The following SLCO4C1 variants were observed in gnomAD, a reference collection of about 807,000 sequenced individuals.
SLCO4C1 encodes the protein solute carrier organic anion transporter family member 4C1, also known as organic anion transporter M1.
A neutral mutation model predicts 72.1 loss-of-function variants in SLCO4C1; 58 were observed. The observed-to-expected ratio is 0.80, with a 90% CI of 0.65 to 1.00. SLCO4C1 has a LOEUF of 1.00. Ranked by LOEUF, SLCO4C1 falls within the 50% of genes least tolerant of loss-of-function variation. The probability of loss-of-function intolerance (pLI) is 0.00; values close to 1 mark genes in which losing one functional copy is unlikely to be tolerated. For synonymous variants in SLCO4C1, 297 were observed against 312.5 expected (o/e 0.95, Z 0.52); for missense variants, 898 against 857.9 (o/e 1.05, Z -0.58).
At chr5:102,247,475 G>T in intron 9 of SLCO4C1, 33 bp from the exon 10 acceptor site, 1 of 1,349,180 alleles carries the variant, frequency 7.4e-7, no homozygotes, top group South Asian at 1.6e-5. Context: ...CAATGAAAGT[G>T]ATCATTTAGA....
intron 2 of SLCO4C1, among the ~76,000 whole-genome samples, chr5:102,274,441 C>G (rs947229198): frequency 2.0e-5 from 3 of 152,092 alleles, no homozygotes; most frequent in Non-Finnish European, 4.4e-5. Context: ...AGATAAATAC[C>G]AAGCTCAGCC....
At chr5:102,260,122 C>T (rs1748907496) in intron 6 of SLCO4C1, 91 bp downstream of exon 6, 1 of 288,878 alleles carries the variant, frequency 3.5e-6, no homozygotes, top group Non-Finnish European at 6.3e-6. Context: ...AATATATAAA[C>T]ACATCTACAC....
Position 102,246,933 on chromosome 5 carries a change from G to A in SLCO4C1, c.1811+319C>T, listed in dbSNP as rs76093531. 4.0e-3 allele frequency among the ~76,000 whole-genome samples: 614 copies of A among 152,218 alleles called. 10 individuals carry two copies. The highest frequency in any genetic ancestry group is 0.036 in the East Asian group (184 of 5,170). ...CATGCCATTCTGATTCTGGCATATTGGAATGCATTTTATTTCTATGATACT... is the reference window on the plus strand; with the variant it reads ...CATGCCATTCTGATTCTGGCATATTAGAATGCATTTTATTTCTATGATACT... On this transcript the variant is annotated intron_variant, in intron 10 of 12. Coordinates refer to ENST00000310954, the MANE Select transcript of SLCO4C1 (RefSeq NM_180991.5).
chr5:102,296,021 G>C lies in SLCO4C1; in HGVS notation c.242C>G (p.Ser81Cys). The C allele has an allele frequency of 6.2e-7, 1 of 1,614,204 alleles. No homozygotes were observed. The highest frequency in any genetic ancestry group is 1.1e-5 in the South Asian group (1 of 91,088). The part of the protein sequence containing the change: ...SEEKLRSLSL[S>C]EFEEGSYGWR... ...GCCGTAAGACCCCTCCTCAAACTCG[G>C]ACAGCGACAGTGACCGGAGCTTCTC... The change falls in exon 1 of 13, where the codon TCC becomes TGC. Residue 81 changes from serine (S) to cysteine (C), a missense_variant. Ser to Cys is a moderately radical substitution (Grantham distance 112, BLOSUM62 -1). Transcript: ENST00000310954.
rs77472671 is a variant in SLCO4C1, at chr5:102,254,910, T to C, written c.1469+2205A>G. 2.8e-3 allele frequency among the ~76,000 whole-genome samples: 434 copies of C among 152,282 alleles called. 3 individuals carry two copies. The highest frequency in any genetic ancestry group is 9.8e-3 in the African/African-American group (409 of 41,558). On this transcript the variant is annotated intron_variant, in intron 8 of 12. Transcript: ENST00000310954. Reference sequence around the variant, plus strand: ...ATCCTCAACATATGCCTGTACCTTTTCTTTTATACGTGTTTCTTAGATGAG... The same window carrying C: ...ATCCTCAACATATGCCTGTACCTTTCCTTTTATACGTGTTTCTTAGATGAG...
intron 10 of SLCO4C1, among the ~76,000 whole-genome samples, chr5:102,241,600 C>T (rs1185216108): frequency 6.6e-6 from 1 of 151,696 alleles, no homozygotes; most frequent in African/African-American, 2.4e-5. Flanking sequence ...TTGAAGAAGC[C>T]ACAAATAAAT....
At chr5:102,260,167 T>TG in intron 6 of SLCO4C1, 46 bp downstream of exon 6, 1 of 481,318 alleles carries the variant, frequency 2.1e-6, no homozygotes. Context: ...TGTATATGTG[T>TG]GTGTGTATGA....
At chr5:102,294,735 A>C (rs779614564) in intron 1 of SLCO4C1, among the ~76,000 whole-genome samples, 1 of 152,224 alleles carries the variant, frequency 6.6e-6, no homozygotes, top group Non-Finnish European at 1.5e-5. Flanking sequence ...GAAGAGCTGC[A>C]GCGGACTTGC....
At chr5:102,254,448 G>A (rs570767127) in intron 8 of SLCO4C1, among the ~76,000 whole-genome samples, 1 of 152,172 alleles carries the variant, frequency 6.6e-6, no homozygotes, top group South Asian at 2.1e-4. Flanking sequence ...GATTTTTGAT[G>A]TACTATAATA....
chr5:102,240,621 A>G lies in SLCO4C1; in HGVS notation c.1876+97T>C, dbSNP rs1748521515. ...AACAAGAATGATGTAGCCTTCCACT[A>G]TAATTTTTTTTGCCACAGGCCATAA... On this transcript the variant is annotated intron_variant, in intron 11 of 12. Coordinates refer to ENST00000310954, the MANE Select transcript of SLCO4C1 (RefSeq NM_180991.5). The G allele has an allele frequency of 7.9e-6, 7 of 887,450 alleles. No homozygotes were observed. In the South Asian group the frequency reaches 1.1e-4, roughly 14 times the overall value. 55.0% of individuals were successfully genotyped at this position (887,450 alleles called of 1,614,324 possible).
At chr5:102,237,058 AATT>A (rs777998825) in intron 12 of SLCO4C1, 40 bp from the exon 13 acceptor site, 5 of 1,516,830 alleles carry the variant, frequency 3.3e-6, no homozygotes, top group East Asian at 4.7e-5. Flanking sequence ...TTTTGTTTTT[AATT>A]ATGATAAAAA....
At chr5:102,286,979 T>C (rs1749464508) in intron 2 of SLCO4C1, among the ~76,000 whole-genome samples, 1 of 152,184 alleles carries the variant, frequency 6.6e-6, no homozygotes, top group African/African-American at 2.4e-5. Flanking sequence ...AAGTGAGCCC[T>C]GATTTTGATT....
chr5:102,246,248 G>C (rs796076435), intron 10 of SLCO4C1, among the ~76,000 whole-genome samples: 3 of 151,862 alleles, frequency 2.0e-5, no homozygotes, highest in African/African-American at 7.2e-5. Flanking sequence ...AAACAAAATT[G>C]ACAAACCTTT....
chr5:102,283,659 G>A (rs1354521525), intron 2 of SLCO4C1, among the ~76,000 whole-genome samples: 8 of 150,034 alleles, frequency 5.3e-5, no homozygotes, highest in African/African-American at 2.0e-4. Context: ...ACACAACTAC[G>A]CCTATGGCCA....
At position 102,296,278 on chromosome 5, in the gene SLCO4C1, C is replaced by G. The variant is rs759381311; in HGVS notation, c.-16G>C. The G allele has an allele frequency of 4.6e-6, 7 of 1,511,584 alleles. No homozygotes were observed. Among genetic ancestry groups the G allele is most frequent in the Non-Finnish European group, 6.2e-6 (7 of 1,129,546 alleles). 93.6% of individuals were successfully genotyped at this position (1,511,584 alleles called of 1,614,324 possible). ...CGCTCTTCATGTCTGGATGGGTTCT[C>G]CCGACTCCGGTGCTTCAGAGCAGCA... On this transcript the variant is annotated 5_prime_UTR_variant, in exon 1 of 13. Transcript: ENST00000310954.
intron 2 of SLCO4C1, among the ~76,000 whole-genome samples, chr5:102,275,370 C>T (rs978831155): frequency 6.6e-6 from 1 of 152,022 alleles, no homozygotes; most frequent in Non-Finnish European, 1.5e-5. Context: ...CATATATACG[C>T]ATAGTTGAAA....
intron 10 of SLCO4C1, among the ~76,000 whole-genome samples, chr5:102,246,827 C>T (rs1349481885): frequency 6.6e-6 from 1 of 152,062 alleles, no homozygotes; most frequent in African/African-American, 2.4e-5. Context: ...GTGAACAACA[C>T]AGGTAATAGC....
At chr5:102,286,115 AT>A (rs1342810415) in intron 2 of SLCO4C1, among the ~76,000 whole-genome samples, 3 of 152,252 alleles carry the variant, frequency 2.0e-5, no homozygotes, top group African/African-American at 7.2e-5. Context: ...AAGTCCTTTG[AT>A]GAAGCATTCT....
Position 102,239,285 on chromosome 5 carries a change from A to G in SLCO4C1, c.1980T>C (p.Asp660=), listed in dbSNP as rs775972213. 3.1e-6 allele frequency: 5 copies of G among 1,600,696 alleles called. No individual in the cohort carries two copies. Among genetic ancestry groups the G allele is most frequent in the Non-Finnish European group, 4.3e-6 (5 of 1,173,764 alleles). The change falls in exon 12 of 13, where the codon GAT becomes GAC. Residue 660 remains aspartate (D), a synonymous_variant. Transcript: ENST00000310954. ...CTAGCATATGGGCCATCTTGATGTT[A>G]TCATAAATCCAGCAAGCTCCTTTAA... ...CGIKGACWIY[D]NIKMAHMLVA...
Sources: allele counts gnomAD v4.1 joint callset (sites outside exome capture counted in the v4.1 genomes callset), GRCh38; gene constraint gnomAD v4.1.1; transcripts MANE v1.5; gene names NCBI Gene and HGNC (gene_info 2026-07-23, HGNC 2026-07-21).